C20orf203: variants seen among roughly 807,000 people sequenced by gnomAD.
C20orf203 encodes chromosome 20 open reading frame 203, also known as uncharacterized protein C20orf203.
In C20orf203, 16 loss-of-function variants were observed where a neutral mutation model predicts 15.9. That is an observed-to-expected ratio of 1.01 (90% CI 0.68 to 1.53). The LOEUF (loss-of-function observed/expected upper bound fraction) is 1.53. Ranked by LOEUF, C20orf203 falls within the 40% of genes most tolerant of loss-of-function variation. The probability of loss-of-function intolerance (pLI) is 0.00; values close to 1 mark genes in which losing one functional copy is unlikely to be tolerated. For synonymous variants in C20orf203, 98 were observed against 97.2 expected, an observed-to-expected ratio of 1.01 and a Z score of -0.05; for missense variants, 263 against 247.5, an observed-to-expected ratio of 1.06 and a Z score of -0.42.
intron 1 of C20orf203, among the ~76,000 whole-genome samples, chr20:32,661,502 C>T (rs996901261): frequency 2.0e-5 from 3 of 152,180 alleles, no homozygotes; most frequent in Non-Finnish European, 4.4e-5. Context: ...ACCTTTCTTG[C>T]ATGACCCCTG....
chr20:32,639,229 T>C (rs546341387), intron 5 of C20orf203, among the ~76,000 whole-genome samples: 1 of 152,352 alleles, frequency 6.6e-6, no homozygotes, highest in East Asian at 1.9e-4. Context: ...CTGAAAACAA[T>C]CCTTGCTCTT....
At chr20:32,669,113 G>A (rs1228400720) in intron 1 of C20orf203, among the ~76,000 whole-genome samples, 1 of 152,196 alleles carries the variant, frequency 6.6e-6, no homozygotes, top group East Asian at 1.9e-4. Flanking sequence ...AAACAGTACT[G>A]GTTGAAGAAC....
intron 1 of C20orf203, among the ~76,000 whole-genome samples, chr20:32,667,899 G>T (rs1185817808): frequency 6.6e-6 from 1 of 152,138 alleles, no homozygotes; most frequent in East Asian, 1.9e-4. Flanking sequence ...TCGATCTCCT[G>T]ACCTCGTGAT....
intron 1 of C20orf203, among the ~76,000 whole-genome samples, chr20:32,671,115 A>T (rs960020736): frequency 1.3e-5 from 2 of 152,220 alleles, no homozygotes; most frequent in African/African-American, 4.8e-5. Context: ...TACAGAAAAC[A>T]GTATGGAGGT....
chr20:32,655,550 T>G (rs1173954421), intron 1 of C20orf203, among the ~76,000 whole-genome samples: 1 of 152,130 alleles, frequency 6.6e-6, no homozygotes, highest in Non-Finnish European at 1.5e-5. Flanking sequence ...CCCAGCACTT[T>G]GGGAGGCTGA....
At chr20:32,648,204 G>A (rs748905117) in intron 4 of C20orf203, among the ~76,000 whole-genome samples, 2 of 152,026 alleles carry the variant, frequency 1.3e-5, no homozygotes, top group Admixed American at 1.3e-4. Context: ...TGGAGCCCAG[G>A]CTCCCCAGCT....
intron 1 of C20orf203, among the ~76,000 whole-genome samples, chr20:32,666,425 C>G (rs1983026549): frequency 6.6e-6 from 1 of 151,396 alleles, no homozygotes; most frequent in Non-Finnish European, 1.5e-5. Flanking sequence ...CAAGATCGTG[C>G]CACTGCACTC....
chr20:32,635,398 C>T (rs1308588579), intron 5 of C20orf203, among the ~76,000 whole-genome samples: 1 of 152,032 alleles, frequency 6.6e-6, no homozygotes, highest in Non-Finnish European at 1.5e-5. Context: ...ACTCGGGAGG[C>T]TGAGGCAGAA....
At chr20:32,654,092 AAG>A (rs1352022360) in intron 1 of C20orf203, among the ~76,000 whole-genome samples, 2 of 146,080 alleles carry the variant, frequency 1.4e-5, no homozygotes, top group African/African-American at 5.0e-5. Flanking sequence ...AAAAAAAAAA[AAG>A]AGAAAATCCT....
At chr20:32,662,606 TA>T (rs904603149) in intron 1 of C20orf203, among the ~76,000 whole-genome samples, 1 of 150,650 alleles carries the variant, frequency 6.6e-6, no homozygotes, top group African/African-American at 2.4e-5. Flanking sequence ...TCAAAAAAAT[TA>T]ACAAACAAAT....
chr20:32,635,268 G>A (rs1261559741), intron 5 of C20orf203, among the ~76,000 whole-genome samples: 2 of 152,038 alleles, frequency 1.3e-5, no homozygotes, highest in Non-Finnish European at 2.9e-5. Flanking sequence ...GGGAGGCCGA[G>A]GCAGGCAGAT....
intron 1 of C20orf203, among the ~76,000 whole-genome samples, chr20:32,662,907 A>T (rs1459143491): frequency 2.1e-5 from 3 of 142,514 alleles, no homozygotes; most frequent in Non-Finnish European, 4.6e-5. Context: ...AAAACAAGAA[A>T]GGAACAGCTA....
chr20:32,643,390 A>G (rs1284784817), intron 4 of C20orf203, among the ~76,000 whole-genome samples: 1 of 152,194 alleles, frequency 6.6e-6, no homozygotes, highest in African/African-American at 2.4e-5. Flanking sequence ...GCCTTAAAAT[A>G]AAGCCCAGAG....
intron 4 of C20orf203, among the ~76,000 whole-genome samples, chr20:32,642,051 G>A (rs188117686): frequency 3.9e-5 from 6 of 152,248 alleles, no homozygotes; most frequent in Admixed American, 3.3e-4. Flanking sequence ...ATGTTACCCA[G>A]GCTAGTCTCA....
chr20:32,647,443 C>G (rs1013433492), intron 4 of C20orf203, among the ~76,000 whole-genome samples: 3 of 150,744 alleles, frequency 2.0e-5, no homozygotes, highest in African/African-American at 4.9e-5. Context: ...GTGGCTCATG[C>G]CTGTAATCCC....
intron 1 of C20orf203, among the ~76,000 whole-genome samples, chr20:32,667,076 T>C (rs978230616): frequency 3.3e-5 from 5 of 152,052 alleles, no homozygotes; most frequent in Non-Finnish European, 5.9e-5. Flanking sequence ...GTGTATTTTA[T>C]AGACTGGCCA....
At chr20:32,663,326 A>G (rs1194411623) in intron 1 of C20orf203, among the ~76,000 whole-genome samples, 1 of 131,540 alleles carries the variant, frequency 7.6e-6, no homozygotes, top group Non-Finnish European at 1.5e-5. Flanking sequence ...AGAGAATGAG[A>G]AAAAAAAAAA....
intron 5 of C20orf203, among the ~76,000 whole-genome samples, chr20:32,639,080 T>C (rs1425737809): frequency 2.0e-5 from 3 of 152,226 alleles, no homozygotes; most frequent in African/African-American, 7.2e-5. Flanking sequence ...CCTGTGCCTC[T>C]AGCCCCTACC....
intron 1 of C20orf203, among the ~76,000 whole-genome samples, chr20:32,662,204 T>C (rs888089397): frequency 1.3e-5 from 2 of 152,204 alleles, no homozygotes; most frequent in African/African-American, 2.4e-5. Context: ...TATGGGGGTT[T>C]AGTCTTTGTT....
Sources: allele counts gnomAD v4.1 joint callset (sites outside exome capture counted in the v4.1 genomes callset), GRCh38; gene constraint gnomAD v4.1.1; transcripts MANE v1.5; gene names NCBI Gene and HGNC (gene_info 2026-07-23, HGNC 2026-07-21).